BMPER: variants seen among roughly 807,000 people sequenced by gnomAD.
The protein encoded by BMPER is BMP-binding endothelial regulator protein.
A neutral mutation model predicts 87.3 loss-of-function variants in BMPER; 45 were observed. The observed-to-expected ratio is 0.52, with a 90% confidence interval of 0.41 to 0.66. The LOEUF (loss-of-function observed/expected upper bound fraction) is 0.66, where lower values mean the gene tolerates loss of function less well. Among genes scored for constraint, BMPER ranks in the 30% least tolerant of loss-of-function variants. BMPER has a pLI of 0.00. For synonymous variants in BMPER, 326 were observed against 316.2 expected, an observed-to-expected ratio of 1.03 and a Z score of -0.33; for missense variants, 784 against 867.5, an observed-to-expected ratio of 0.90 and a Z score of 1.21.
chr7:33,943,038 C>T (rs1784805386), intron 3 of BMPER, among the ~76,000 whole-genome samples: 1 of 152,090 alleles, frequency 6.6e-6, no homozygotes, highest in African/African-American at 2.4e-5. Flanking sequence ...CTCTCTTTCT[C>T]CTTTCCTTCC....
intron 4 of BMPER, among the ~76,000 whole-genome samples, chr7:33,968,903 C>A (rs1454675524): frequency 6.6e-6 from 1 of 152,216 alleles, no homozygotes; most frequent in Non-Finnish European, 1.5e-5. Flanking sequence ...AATCCTCCAT[C>A]TGGATTGCAG....
At chr7:34,022,543 CT>C (rs1221215553) in intron 6 of BMPER, among the ~76,000 whole-genome samples, 2 of 151,808 alleles carry the variant, frequency 1.3e-5, no homozygotes, top group Non-Finnish European at 2.9e-5. Flanking sequence ...TAATTCAAGT[CT>C]TTTTTTGAGG....
chr7:33,959,897 C>CT (rs1368914542), intron 3 of BMPER, among the ~76,000 whole-genome samples: 3 of 152,074 alleles, frequency 2.0e-5, no homozygotes, highest in Non-Finnish European at 4.4e-5. Flanking sequence ...CATGTGGAAG[C>CT]TTTTTTTTCT....
chr7:34,043,529 T>C (rs1272934968), intron 6 of BMPER, among the ~76,000 whole-genome samples: 1 of 152,198 alleles, frequency 6.6e-6, no homozygotes, highest in Non-Finnish European at 1.5e-5. Context: ...CAACCGATTT[T>C]GGTGAACACA....
intron 13 of BMPER, among the ~76,000 whole-genome samples, chr7:34,089,256 A>C (rs1475873755): frequency 6.6e-6 from 1 of 152,140 alleles, no homozygotes; most frequent in Non-Finnish European, 1.5e-5. Context: ...AACACACCCA[A>C]ATAACTTTCT....
chr7:33,939,413 T>C (rs1784693422), intron 3 of BMPER, among the ~76,000 whole-genome samples: 1 of 152,214 alleles, frequency 6.6e-6, no homozygotes, highest in Non-Finnish European at 1.5e-5. Flanking sequence ...TGCAGTGTCC[T>C]GAGTTCTCTT....
intron 13 of BMPER, among the ~76,000 whole-genome samples, chr7:34,113,380 C>T (rs748088124): frequency 2.6e-5 from 4 of 151,812 alleles, no homozygotes; most frequent in Non-Finnish European, 5.9e-5. Context: ...ATAGGTTTTC[C>T]CTTTCCATTT....
chr7:33,995,437 C>G (rs1786378924), intron 6 of BMPER, among the ~76,000 whole-genome samples: 1 of 152,034 alleles, frequency 6.6e-6, no homozygotes, highest in Admixed American at 6.6e-5. Context: ...ATGTTGAGAG[C>G]CAGGATGAGA....
At chr7:33,932,774 CATA>C (rs751488832) in intron 2 of BMPER, among the ~76,000 whole-genome samples, 26 of 151,416 alleles carry the variant, frequency 1.7e-4, no homozygotes, top group Non-Finnish European at 3.2e-4. Context: ...TTTCGTATTC[CATA>C]ATAGGATTGG....
At chr7:34,054,768 C>A (rs546233009) in intron 8 of BMPER, among the ~76,000 whole-genome samples, 1 of 152,276 alleles carries the variant, frequency 6.6e-6, no homozygotes, top group East Asian at 1.9e-4. Context: ...CAAAAGGTGG[C>A]ATAAAGCCGT....
In BMPER at chr7:34,079,072, C is replaced by G. The variant is rs761738343; in HGVS notation, c.1294C>G (p.Leu432Val). The G allele has an allele frequency of 1.2e-6, 2 of 1,614,124 alleles. No homozygotes were observed. Among genetic ancestry groups the G allele is most frequent in the Admixed American group, 3.3e-5 (2 of 60,016 alleles). Residue 432 changes from leucine to valine, a missense_variant, in exon 12 of 15, where the codon CTG becomes GTG. Physicochemically the swap from Leu to Val is conservative, Grantham distance 32. Coordinates refer to ENST00000649409, the MANE Select transcript of BMPER (RefSeq NM_001365308.1). ...ELVLGESRVS[L>V]QQHLTVRWNG... ...GGTGCTGGGCGAGAGCAGGGTCAGC[C>G]TGCAGCAGCACCTCACCGTGCGCTG...
chr7:34,019,125 G>A (rs1257585968), intron 6 of BMPER, among the ~76,000 whole-genome samples: 1 of 152,012 alleles, frequency 6.6e-6, no homozygotes. Context: ...TGAGCATCTT[G>A]CTTTGGAGAT....
At chr7:34,053,737 G>A (rs963645504) in intron 8 of BMPER, among the ~76,000 whole-genome samples, 1 of 152,166 alleles carries the variant, frequency 6.6e-6, no homozygotes, top group Non-Finnish European at 1.5e-5. Flanking sequence ...AGGAGGAGGG[G>A]TTGGTCTTGT....
chr7:34,080,923 A>G (rs1013284533), intron 12 of BMPER, among the ~76,000 whole-genome samples: 2 of 152,228 alleles, frequency 1.3e-5, no homozygotes. Context: ...TAAGAGAATA[A>G]TAATAGATCA....
At chr7:34,027,828 T>C (rs1376778913) in intron 6 of BMPER, among the ~76,000 whole-genome samples, 2 of 152,110 alleles carry the variant, frequency 1.3e-5, no homozygotes, top group Non-Finnish European at 2.9e-5. Context: ...AGCTCTGTAA[T>C]ACTCATATAA....
At chr7:33,999,442 A>G (rs1469096298) in intron 6 of BMPER, among the ~76,000 whole-genome samples, 2 of 152,236 alleles carry the variant, frequency 1.3e-5, no homozygotes, top group Admixed American at 1.3e-4. Context: ...TTTATTAGGA[A>G]ATAATTTTTG....
At chr7:33,945,216 C>T (rs1784862144) in intron 3 of BMPER, among the ~76,000 whole-genome samples, 1 of 146,334 alleles carries the variant, frequency 6.8e-6, no homozygotes, top group African/African-American at 2.5e-5. Flanking sequence ...GCTGGGATTA[C>T]AGGCCTGAGC....
At chr7:33,956,835 T>C (rs1010978471) in intron 3 of BMPER, among the ~76,000 whole-genome samples, 1 of 152,224 alleles carries the variant, frequency 6.6e-6, no homozygotes, top group Non-Finnish European at 1.5e-5. Context: ...TTGGTAAGGC[T>C]TCTGGTCAGC....
chr7:33,921,838 G>A (rs1301683428), intron 2 of BMPER: 3 of 470,950 alleles, frequency 6.4e-6, no homozygotes, highest in Non-Finnish European at 1.3e-5. Flanking sequence ...CTGACCTAGT[G>A]CGCCAGCTGC....
Sources: gnomAD v4.1 joint callset for allele counts (sites outside exome capture counted in the v4.1 genomes callset) on GRCh38, gnomAD v4.1.1 for gene constraint, MANE v1.5 for transcripts, NCBI Gene and HGNC (gene_info 2026-07-23, HGNC 2026-07-21) for gene names.